Variants in CNTN3 observed in about 807,000 individuals in gnomAD.
The protein encoded by CNTN3 is contactin 3.
A neutral mutation model predicts 119.1 loss-of-function variants in CNTN3; 60 were observed. That is an observed-to-expected ratio of 0.50 (90% CI 0.41 to 0.62). CNTN3 has a LOEUF of 0.62. Ranked by LOEUF, CNTN3 falls within the 20% of genes least tolerant of loss-of-function variation. The pLI is 0.00. For missense variants in CNTN3, 1,101 were observed against 1,242.4 expected, an observed-to-expected ratio of 0.89 and a Z score of 1.71; for synonymous variants, 450 against 438.7, an observed-to-expected ratio of 1.03 and a Z score of -0.32.
chr3:74,500,938 T>C (rs561398584), intron 2 of CNTN3, among the ~76,000 whole-genome samples: 1 of 152,172 alleles, frequency 6.6e-6, no homozygotes, highest in Admixed American at 6.6e-5. Flanking sequence ...TTAGGCGGCA[T>C]GAGCAAGTTC....
chr3:74,435,355 T>G (rs977027684), intron 4 of CNTN3, among the ~76,000 whole-genome samples: 1 of 152,072 alleles, frequency 6.6e-6, no homozygotes. Flanking sequence ...TTTGTATTAT[T>G]TTGTAGAGAT....
intron 5 of CNTN3, among the ~76,000 whole-genome samples, chr3:74,421,827 G>A (rs1352682518): frequency 6.6e-6 from 1 of 152,076 alleles, no homozygotes; most frequent in Non-Finnish European, 1.5e-5. Flanking sequence ...CTCTGACCTG[G>A]CTCATACCCT....
At chr3:74,517,792 C>A (rs1330729199) in intron 2 of CNTN3, among the ~76,000 whole-genome samples, 1 of 151,826 alleles carries the variant, frequency 6.6e-6, no homozygotes, top group Admixed American at 6.6e-5. Flanking sequence ...ATTCTCCATA[C>A]TTCATCCTTA....
intron 1 of CNTN3, among the ~76,000 whole-genome samples, chr3:74,528,552 T>A (rs1479888056): frequency 6.6e-6 from 1 of 151,860 alleles, no homozygotes; most frequent in Non-Finnish European, 1.5e-5. Flanking sequence ...CTCATGGGGA[T>A]CTTTCTGTTA....
intron 13 of CNTN3, among the ~76,000 whole-genome samples, chr3:74,313,615 T>A (rs1702756214): frequency 6.6e-6 from 1 of 151,934 alleles, no homozygotes; most frequent in Non-Finnish European, 1.5e-5. Context: ...TACGTGGGAG[T>A]CTTCTGTATG....
chr3:74,320,154 C>T (rs529277623), intron 13 of CNTN3, among the ~76,000 whole-genome samples: 1 of 152,148 alleles, frequency 6.6e-6, no homozygotes, highest in Non-Finnish European at 1.5e-5. Context: ...TTGACCCAGC[C>T]ATCCCATTAC....
intron 19 of CNTN3, 138 bp downstream of exon 19, chr3:74,294,983 A>G (rs1352475): frequency 0.24 from 120,663 of 504,192 alleles, 17,566 homozygotes; most frequent in Non-Finnish European, 0.3. Flanking sequence ...ATGGAACATC[A>G]GATGAAACAA....
At chr3:74,415,162 T>C (rs1313559279) in intron 5 of CNTN3, among the ~76,000 whole-genome samples, 1 of 152,132 alleles carries the variant, frequency 6.6e-6, no homozygotes, top group Non-Finnish European at 1.5e-5. Flanking sequence ...CGTACGTCTT[T>C]AGAGTGAGAA....
intron 1 of CNTN3, among the ~76,000 whole-genome samples, chr3:74,571,662 A>C (rs1704336353): frequency 6.6e-6 from 1 of 152,174 alleles, no homozygotes; most frequent in Non-Finnish European, 1.5e-5. Context: ...TACAACAGGA[A>C]ACTTGAACTC....
At chr3:74,480,612 A>G (rs2107026357) in intron 4 of CNTN3, among the ~76,000 whole-genome samples, 1 of 152,198 alleles carries the variant, frequency 6.6e-6, no homozygotes, top group African/African-American at 2.4e-5. Context: ...GGAAAAATAG[A>G]GAAAATATGG....
At chr3:74,538,044 C>A (rs1427593570) in intron 1 of CNTN3, among the ~76,000 whole-genome samples, 1 of 152,028 alleles carries the variant, frequency 6.6e-6, no homozygotes, top group East Asian at 1.9e-4. Flanking sequence ...ATAAGCTCTG[C>A]AATGACTCAG....
At position 74,575,614 on chromosome 3, in the gene CNTN3, C is replaced by CACACACAA. The variant is rs553239001; in HGVS notation, c.-81+38776_-81+38777insTTGTGTGT. ...CCTCTTCAGTCTCTCCCAACACACA[C>CACACACAA]ACACACACACACACACACACACACA... On this transcript the variant is annotated intron_variant, in intron 1 of 22. Coordinates refer to ENST00000263665, the MANE Select transcript of CNTN3 (RefSeq NM_020872.3). Among the ~76,000 whole-genome samples the CACACACAA allele has an allele frequency of 2.8e-4, 42 of 150,622 alleles. No homozygotes were observed. The East Asian group carries it at 8.0e-3, about 29-fold the overall frequency.
At chr3:74,559,007 A>AATAATAATAATG (rs1704111963) in intron 1 of CNTN3, among the ~76,000 whole-genome samples, 1 of 150,264 alleles carries the variant, frequency 6.7e-6, no homozygotes. Flanking sequence ...TAATAATAAT[A>AATAATAATAATG]GTAACTGCAG....
rs368765528 is a variant in CNTN3, at chr3:74,584,374, C to G, written c.-81+30017G>C. ...AAATCTCATATTAAGATTTTATCCC[C>G]AATGTAGGAGGTGGGACCTAGTGTG... On this transcript the variant is annotated intron_variant, in intron 1 of 22. Transcript: ENST00000263665. Among the ~76,000 whole-genome samples the G allele has an allele frequency of 1.1e-4, 16 of 152,128 alleles. No homozygotes were observed. The East Asian group carries it at 2.7e-3, about 26-fold the overall frequency.
chr3:74,320,753 G>A (rs1702967618), intron 13 of CNTN3, among the ~76,000 whole-genome samples: 1 of 152,128 alleles, frequency 6.6e-6, no homozygotes, highest in Non-Finnish European at 1.5e-5. Flanking sequence ...CTCATGGTTA[G>A]AACTAACCAC....
chr3:74,430,238 C>T (rs1006974485), intron 4 of CNTN3, among the ~76,000 whole-genome samples: 2 of 152,062 alleles, frequency 1.3e-5, no homozygotes, highest in Non-Finnish European at 2.9e-5. Context: ...TGGAAACAAC[C>T]CAAGTTCCTT....
At chr3:74,516,049 A>G (rs1468134957) in intron 2 of CNTN3, among the ~76,000 whole-genome samples, 2 of 151,966 alleles carry the variant, frequency 1.3e-5, no homozygotes, top group African/African-American at 4.8e-5. Context: ...AATGTACAAC[A>G]CACCATACAG....
chr3:74,485,026 G>A (rs1702827040), intron 4 of CNTN3, among the ~76,000 whole-genome samples: 1 of 152,116 alleles, frequency 6.6e-6, no homozygotes, highest in African/African-American at 2.4e-5. Context: ...GTAATGCCAG[G>A]TAAAACATGG....
chr3:74,470,629 G>A (rs1301835987), intron 4 of CNTN3, among the ~76,000 whole-genome samples: 1 of 152,138 alleles, frequency 6.6e-6, no homozygotes, highest in African/African-American at 2.4e-5. Context: ...TGACAAGGCT[G>A]CCTGATTAAC....
Sources: allele counts gnomAD v4.1 joint callset (sites outside exome capture counted in the v4.1 genomes callset), GRCh38; gene constraint gnomAD v4.1.1; transcripts MANE v1.5; gene names NCBI Gene and HGNC (gene_info 2026-07-23, HGNC 2026-07-21).